SNRPG: variants seen among roughly 807,000 people sequenced by gnomAD.
SNRPG encodes the protein small nuclear ribonucleoprotein G.
SNRPG carries 3 observed loss-of-function variants against 13.9 expected under a neutral mutation model. That is an observed-to-expected ratio of 0.22 (90% CI 0.10 to 0.56). The LOEUF (loss-of-function observed/expected upper bound fraction) is 0.56, where lower values mean the gene tolerates loss of function less well. Among genes scored for constraint, SNRPG ranks in the 20% least tolerant of loss-of-function variants. SNRPG has a pLI of 0.93. For synonymous variants in SNRPG, 29 were observed against 29.3 expected, an observed-to-expected ratio of 0.99 and a Z score of 0.03; for missense variants, 34 against 96.1, an observed-to-expected ratio of 0.35 and a Z score of 2.70.
At chr2:70,281,828 C>A in intron 3 of SNRPG, 144 bp from the exon 4 acceptor site, 4 of 545,858 alleles carry the variant, frequency 7.3e-6, no homozygotes, top group African/African-American at 2.0e-5. Flanking sequence ...ACAGGGACAC[C>A]AAACAACTCT....
At chr2:70,288,833 A>G (rs1573995428) in intron 2 of SNRPG, among the ~76,000 whole-genome samples, 3 of 151,182 alleles carry the variant, frequency 2.0e-5, no homozygotes, top group Non-Finnish European at 2.9e-5. Context: ...AAGGGCTTAC[A>G]TAAGATAAAG....
At chr2:70,286,388 AG>A (rs1400692011) in intron 3 of SNRPG, among the ~76,000 whole-genome samples, 1 of 151,334 alleles carries the variant, frequency 6.6e-6, no homozygotes, top group Non-Finnish European at 1.5e-5. Flanking sequence ...TTCCAACTTT[AG>A]AAAAGTCAAA....
intron 1 of SNRPG, among the ~76,000 whole-genome samples, chr2:70,290,486 T>C (rs1448604594): frequency 6.6e-6 from 1 of 151,972 alleles, no homozygotes; most frequent in African/African-American, 2.4e-5. Context: ...ATTTCTTCCA[T>C]ATAGGCCAGA....
chr2:70,282,553 A>G (rs980903549), intron 3 of SNRPG, among the ~76,000 whole-genome samples: 1 of 152,320 alleles, frequency 6.6e-6, no homozygotes. Context: ...GGAAACAAAG[A>G]TAGTTGGCAT....
rs753249485 is a variant in SNRPG at position 70,288,176 on chromosome 2, G to C, written c.72C>G (p.Gly24=). ...CCCGCAATATTCCTTGGACATGTCT[G>C]CCACCATTTAATTTCACTATTAAAA... ...DKKLSLKLNG[G]RHVQGILRGF... Residue 24 remains glycine (G), a synonymous_variant, in exon 3 of 4, where the codon GGC becomes GGG. Transcript: ENST00000272348. The C allele has an allele frequency of 5.0e-6, 8 of 1,611,966 alleles. No individual in the cohort carries two copies. In the South Asian group the frequency reaches 8.8e-5, roughly 18 times the overall value.
intron 3 of SNRPG, among the ~76,000 whole-genome samples, chr2:70,283,122 A>AAAAAAAC (rs1241967786): frequency 0.05 from 4,152 of 82,380 alleles, 910 homozygotes; most frequent in Non-Finnish European, 0.077. Context: ...AAAAAAAAAA[A>AAAAAAAC]AACAACAAAC....
intron 3 of SNRPG, 128 bp from the exon 4 acceptor site, chr2:70,281,812 C>T (rs1696792882): frequency 1.8e-6 from 1 of 560,496 alleles, no homozygotes; most frequent in Non-Finnish European, 3.2e-6. Flanking sequence ...AAGCTTTGTT[C>T]AAGCCACAGG....
In SNRPG at chr2:70,289,333, A is replaced by T; in HGVS notation, c.55+17T>A. The T allele has an allele frequency of 7.1e-7, 1 of 1,402,540 alleles. No individual in the cohort carries two copies. Among genetic ancestry groups the T allele is most frequent in the Non-Finnish European group, 9.9e-7 (1 of 1,007,492 alleles). 86.9% of individuals were successfully genotyped at this position (1,402,540 alleles called of 1,614,324 possible). On this transcript the variant is annotated intron_variant, in intron 2 of 3. Coordinates refer to ENST00000272348, the MANE Select transcript of SNRPG (RefSeq NM_003096.4). ...ATTAAATAATTAAAAAAAACCCCAA[A>T]ACAACAACAAACTTACATGATAACT... is the stretch of plus-strand genomic sequence containing the variant.
At chr2:70,291,013 A>AC in intron 1 of SNRPG, among the ~76,000 whole-genome samples, 1 of 95,584 alleles carries the variant, frequency 1.0e-5, no homozygotes, top group African/African-American at 4.9e-5. Flanking sequence ...CTCCATCTCA[A>AC]AACACACACA....
At chr2:70,293,085 T>C in intron 1 of SNRPG, 1 of 702,164 alleles carries the variant, frequency 1.4e-6, no homozygotes, top group Non-Finnish European at 2.6e-6. Flanking sequence ...ACACATGACA[T>C]TCAAGCTTAA....
In SNRPG at chr2:70,293,692, C is replaced by T. The variant is rs560407173; in HGVS notation, c.-43G>A. ...CTCACAGATGCCTTGGAACGCAACG[C>T]ACGGCTTTCCTCACGCTCCCGCTGT... On this transcript the variant is annotated 5_prime_UTR_variant, in exon 1 of 4. Coordinates refer to ENST00000272348, the MANE Select transcript of SNRPG (RefSeq NM_003096.4). The T allele has an allele frequency of 1.9e-6, 3 of 1,600,012 alleles. No individual in the cohort carries two copies. The South Asian group carries it at 3.3e-5, about 18-fold the overall frequency.
At position 70,283,120 on chromosome 2, in the gene SNRPG, A is replaced by C. The variant is rs1384607959; in HGVS notation, c.181-1436T>G. On this transcript the variant is annotated intron_variant, in intron 3 of 3. Coordinates refer to ENST00000272348, the MANE Select transcript of SNRPG (RefSeq NM_003096.4). ...TCAAAAAAAAAAAAAAAAAAAAAAA[A>C]AAAACAACAAACCAAAACCAAAACA... Among the ~76,000 whole-genome samples, 129 of 148,630 alleles carry C rather than the reference A, an allele frequency of 8.7e-4. 2 individuals carry two copies. Among genetic ancestry groups the C allele is most frequent in the Non-Finnish European group, 1.4e-3 (92 of 67,440 alleles).
chr2:70,285,064 G>C (rs937035364), intron 3 of SNRPG, among the ~76,000 whole-genome samples: 1 of 152,088 alleles, frequency 6.6e-6, no homozygotes, highest in African/African-American at 2.4e-5. Flanking sequence ...GGTTACTTGT[G>C]TTCAAGTAAC....
chr2:70,283,076 C>T (rs1201324271), intron 3 of SNRPG, among the ~76,000 whole-genome samples: 2 of 102,442 alleles, frequency 2.0e-5, no homozygotes, highest in Admixed American at 1.6e-4. Context: ...GCCTGGGCAA[C>T]GAGCGAAACT....
intron 1 of SNRPG, chr2:70,293,376 A>T (rs1220260309): frequency 3.2e-6 from 2 of 628,630 alleles, no homozygotes; most frequent in Non-Finnish European, 5.7e-6. Context: ...AGACCGCGGG[A>T]CCTGGAGACT....
At chr2:70,292,476 T>C (rs1231570603) in intron 1 of SNRPG, among the ~76,000 whole-genome samples, 1 of 152,298 alleles carries the variant, frequency 6.6e-6, no homozygotes, top group East Asian at 1.9e-4. Context: ...ACCTCCGGAA[T>C]AGCTGAGACT....
chr2:70,281,915 AATGACTAAT>A (rs1696796713), intron 3 of SNRPG, among the ~76,000 whole-genome samples: 1 of 152,124 alleles, frequency 6.6e-6, no homozygotes. Flanking sequence ...CCAAGTCTCC[AATGACTAAT>A]TTCACCTTTT....
At chr2:70,285,005 C>T (rs1274173178) in intron 3 of SNRPG, among the ~76,000 whole-genome samples, 1 of 152,086 alleles carries the variant, frequency 6.6e-6, no homozygotes, top group Non-Finnish European at 1.5e-5. Context: ...TCCATGCTGC[C>T]CATTAATCAG....
intron 1 of SNRPG, 97 bp from the exon 2 acceptor site, chr2:70,289,469 T>C (rs1461068578): frequency 1.5e-5 from 10 of 646,522 alleles, no homozygotes; most frequent in Admixed American, 1.2e-4. Context: ...CTAAAATTTA[T>C]ACAATGGGAA....
Sources: allele counts gnomAD v4.1 joint callset (sites outside exome capture counted in the v4.1 genomes callset), GRCh38; gene constraint gnomAD v4.1.1; transcripts MANE v1.5; gene names NCBI Gene and HGNC (gene_info 2026-07-23, HGNC 2026-07-21).